The following DSCAM variants were observed in gnomAD, a reference collection of about 807,000 sequenced individuals.
DSCAM encodes the protein cell adhesion molecule DSCAM.
In DSCAM, 47 loss-of-function variants were observed where a neutral mutation model predicts 217.7. That is an observed-to-expected ratio of 0.22 (90% CI 0.17 to 0.28). The LOEUF (loss-of-function observed/expected upper bound fraction) is 0.28. DSCAM is among the 10% of genes least tolerant of loss of function. DSCAM has a pLI of 1.00. For synonymous variants in DSCAM, 1,056 were observed against 1,015.3 expected, an observed-to-expected ratio of 1.04 and a Z score of -0.76; for missense variants, 2,080 against 2,618.3, an observed-to-expected ratio of 0.79 and a Z score of 4.49.
chr21:40,305,098 A>C (rs1309165886), intron 9 of DSCAM, among the ~76,000 whole-genome samples: 1 of 152,088 alleles, frequency 6.6e-6, no homozygotes, highest in Non-Finnish European at 1.5e-5. Context: ...AGCACAATAA[A>C]GCAAAGTGTG....
chr21:40,439,168 A>G (rs965967036), intron 3 of DSCAM, among the ~76,000 whole-genome samples: 2 of 152,194 alleles, frequency 1.3e-5, no homozygotes, highest in African/African-American at 4.8e-5. Context: ...TGTATCATGG[A>G]GCTGTTGTGA....
chr21:40,303,533 C>T (rs2074039057), intron 9 of DSCAM, among the ~76,000 whole-genome samples: 1 of 152,114 alleles, frequency 6.6e-6, no homozygotes, highest in Non-Finnish European at 1.5e-5. Flanking sequence ...TTGTAGATAA[C>T]TGACATTGTT....
chr21:40,844,062 TCA>T (rs1043725641), intron 1 of DSCAM, among the ~76,000 whole-genome samples: 1 of 152,182 alleles, frequency 6.6e-6, no homozygotes, highest in African/African-American at 2.4e-5. Context: ...CAATCTTTTA[TCA>T]CACACATTCA....
chr21:40,780,423 G>GTGTGTGTGTGTATATATATA (rs1007015659), intron 1 of DSCAM, among the ~76,000 whole-genome samples: 1 of 56,414 alleles, frequency 1.8e-5, no homozygotes, highest in African/African-American at 7.7e-5. Context: ...GTGTGTGTGT[G>GTGTGTGTGTGTATATATATA]TATATATATA....
chr21:40,212,279 T>A (rs1307899806), intron 11 of DSCAM: 1 of 154,348 alleles, frequency 6.5e-6, no homozygotes, highest in Non-Finnish European at 1.5e-5. Context: ...ATTCTGCAAC[T>A]TTTTTTATTG....
chr21:40,190,961 G>C (rs1369812312), intron 11 of DSCAM, among the ~76,000 whole-genome samples: 1 of 152,192 alleles, frequency 6.6e-6, no homozygotes, highest in Non-Finnish European at 1.5e-5. Flanking sequence ...AGAAAGGTTT[G>C]AAAATTCATC....
Position 40,177,703 on chromosome 21 carries a change from C to T in DSCAM, c.2947+1224G>A, listed in dbSNP as rs181905592. Among the ~76,000 whole-genome samples the T allele has an allele frequency of 2.2e-4, 34 of 152,188 alleles. No homozygotes were observed. In the East Asian group the frequency reaches 4.6e-3, roughly 21 times the overall value. On this transcript the variant is annotated intron_variant, in intron 15 of 32. Transcript: ENST00000400454. The stretch of plus-strand genomic sequence containing the variant: ...AATGAAAACTCGAAAATAATTGACC[C>T]GTTTGGCAATATGAGATTTGTTAAA...
At chr21:40,837,416 A>G (rs894104609) in intron 1 of DSCAM, among the ~76,000 whole-genome samples, 3 of 152,226 alleles carry the variant, frequency 2.0e-5, no homozygotes, top group Admixed American at 6.5e-5. Flanking sequence ...CAAAACAAAT[A>G]CCTAGATCAC....
At chr21:40,013,789 G>A (rs142048836) in intron 32 of DSCAM, among the ~76,000 whole-genome samples, 11 of 152,324 alleles carry the variant, frequency 7.2e-5, no homozygotes, top group Non-Finnish European at 1.2e-4. Flanking sequence ...GGTTTGAGGA[G>A]AGAGCCAGGG....
chr21:40,132,921 G>A (rs939690424), intron 19 of DSCAM, among the ~76,000 whole-genome samples: 3 of 152,200 alleles, frequency 2.0e-5, no homozygotes, highest in Non-Finnish European at 4.4e-5. Context: ...GACCAGCAAT[G>A]GCCAACAGCT....
chr21:40,637,608 T>TATAAATATATAC, intron 3 of DSCAM, among the ~76,000 whole-genome samples: 2 of 49,298 alleles, frequency 4.1e-5, no homozygotes, highest in African/African-American at 1.4e-4. Context: ...TATATATAAA[T>TATAAATATATAC]ATATATAAAT....
chr21:40,100,474 C>T (rs1202336212), intron 20 of DSCAM, among the ~76,000 whole-genome samples: 1 of 152,120 alleles, frequency 6.6e-6, no homozygotes, highest in Non-Finnish European at 1.5e-5. Context: ...TCCAACACAA[C>T]AATCCAATAG....
At chr21:40,494,278 A>C (rs2076099926) in intron 3 of DSCAM, among the ~76,000 whole-genome samples, 1 of 152,192 alleles carries the variant, frequency 6.6e-6, no homozygotes, top group African/African-American at 2.4e-5. Flanking sequence ...AAAAGAACAC[A>C]ACATGACCCA....
intron 10 of DSCAM, among the ~76,000 whole-genome samples, chr21:40,285,674 C>G (rs2073815356): frequency 6.6e-6 from 1 of 152,132 alleles, no homozygotes; most frequent in South Asian, 2.1e-4. Context: ...TTGTGAGGCC[C>G]CTTGTCTCTT....
At chr21:40,085,818 G>C in intron 22 of DSCAM, 53 bp from the exon 23 acceptor site, 6 of 1,383,852 alleles carry the variant, frequency 4.3e-6, no homozygotes, top group Non-Finnish European at 5.7e-6. Context: ...ATCCAAATTA[G>C]CTGAGGTTGG....
intron 1 of DSCAM, among the ~76,000 whole-genome samples, chr21:40,779,537 A>G (rs1483720931): frequency 6.6e-6 from 1 of 152,242 alleles, no homozygotes; most frequent in African/African-American, 2.4e-5. Context: ...GGAATAAGAG[A>G]GGCGAAGCTG....
At chr21:40,552,223 A>AGAATTGCTT (rs1432343980) in intron 3 of DSCAM, among the ~76,000 whole-genome samples, 1 of 152,116 alleles carries the variant, frequency 6.6e-6, no homozygotes, top group African/African-American at 2.4e-5. Context: ...CTGAGGCAGA[A>AGAATTGCTT]GAATTGCTTG....
chr21:40,519,538 A>G (rs2076341950), intron 3 of DSCAM, among the ~76,000 whole-genome samples: 1 of 152,124 alleles, frequency 6.6e-6, no homozygotes, highest in Non-Finnish European at 1.5e-5. Context: ...CTGTCTATGA[A>G]CCAGGGAGTG....
chr21:40,056,810 A>G (rs1352128739), intron 28 of DSCAM, among the ~76,000 whole-genome samples: 2 of 152,246 alleles, frequency 1.3e-5, no homozygotes, highest in African/African-American at 4.8e-5. Context: ...AGTTAACTCA[A>G]TAATGGTTTA....
Sources: gnomAD v4.1 joint callset for allele counts (sites outside exome capture counted in the v4.1 genomes callset) on GRCh38, gnomAD v4.1.1 for gene constraint, MANE v1.5 for transcripts, NCBI Gene and HGNC (gene_info 2026-07-23, HGNC 2026-07-21) for gene names.